The following CSNK2A2IP variants were observed in gnomAD, a reference collection of about 807,000 sequenced individuals.
CSNK2A2IP encodes casein kinase II subunit alpha'-interacting protein.
chr3:88,348,396 G>A, the CSNK2A2IP span, among the ~76,000 whole-genome samples: 1 of 152,000 alleles, frequency 6.6e-6, no homozygotes. Flanking sequence ...CGGTATCAGT[G>A]AACACAGTGT....
At chr3:88,444,938 C>T in the CSNK2A2IP span, among the ~76,000 whole-genome samples, 1 of 152,082 alleles carries the variant, frequency 6.6e-6, no homozygotes. Context: ...ATTCTTGTCA[C>T]TGCTGTTTTA....
chr3:88,368,421 T>C, the CSNK2A2IP span, among the ~76,000 whole-genome samples: 687 of 152,170 alleles, frequency 4.5e-3, 5 homozygotes, highest in African/African-American at 0.016. Context: ...AAAAACACTG[T>C]CTGAAGAGGC....
At chr3:88,457,636 C>T in the CSNK2A2IP span, among the ~76,000 whole-genome samples, 4 of 150,976 alleles carry the variant, frequency 2.6e-5, no homozygotes, top group African/African-American at 7.3e-5. Context: ...GCAGAGGTTG[C>T]AGTGAGCCGA....
At chr3:88,427,886 C>G in the CSNK2A2IP span, among the ~76,000 whole-genome samples, 3 of 152,118 alleles carry the variant, frequency 2.0e-5, no homozygotes, top group African/African-American at 7.2e-5. Flanking sequence ...CACAGAGTAC[C>G]CACTTGGTCA....
the CSNK2A2IP span, among the ~76,000 whole-genome samples, chr3:88,446,094 C>A: frequency 2.7e-5 from 2 of 75,076 alleles, no homozygotes; most frequent in Admixed American, 1.4e-4. Flanking sequence ...TTCTTTCTTT[C>A]TTTCTTTTTT....
the CSNK2A2IP span, among the ~76,000 whole-genome samples, chr3:88,439,636 G>C: frequency 6.6e-6 from 1 of 151,468 alleles, no homozygotes; most frequent in Non-Finnish European, 1.5e-5. Context: ...CAGCTACTCA[G>C]GAGGCTGAGG....
At chr3:88,376,346 C>A in the CSNK2A2IP span, among the ~76,000 whole-genome samples, 10 of 151,642 alleles carry the variant, frequency 6.6e-5, no homozygotes, top group Non-Finnish European at 1.0e-4. Context: ...ATTGTAGGCA[C>A]TCAGCAAATA....
At chr3:88,372,910 AG>A in the CSNK2A2IP span, among the ~76,000 whole-genome samples, 2 of 151,486 alleles carry the variant, frequency 1.3e-5, no homozygotes, top group Non-Finnish European at 3.0e-5. Context: ...TCCTAATAAA[AG>A]TTTTGATACA....
the CSNK2A2IP span, among the ~76,000 whole-genome samples, chr3:88,453,926 A>G: frequency 1.3e-5 from 2 of 152,082 alleles, no homozygotes; most frequent in Non-Finnish European, 2.9e-5. Flanking sequence ...TTATATGAGC[A>G]TATGCTTTCA....
At chr3:88,458,141 G>GTTTTTTTTTGTGTTTTTTTT in the CSNK2A2IP span, among the ~76,000 whole-genome samples, 2 of 83,306 alleles carry the variant, frequency 2.4e-5, no homozygotes, top group African/African-American at 1.1e-4. Flanking sequence ...TGTAATTGTG[G>GTTTTTTTTTGTGTTTTTTTT]TTTTTTTTTT....
the CSNK2A2IP span, among the ~76,000 whole-genome samples, chr3:88,352,278 G>A: frequency 6.6e-6 from 1 of 152,042 alleles, no homozygotes; most frequent in African/African-American, 2.4e-5. Context: ...ATTGGTGAAG[G>A]CAATTTTGGG....
chr3:88,400,379 C>G, the CSNK2A2IP span, among the ~76,000 whole-genome samples: 1 of 152,126 alleles, frequency 6.6e-6, no homozygotes, highest in East Asian at 1.9e-4. Context: ...GTGGGAGGAA[C>G]AGGAGAAAGG....
At chr3:88,360,040 A>C in the CSNK2A2IP span, among the ~76,000 whole-genome samples, 1 of 152,016 alleles carries the variant, frequency 6.6e-6, no homozygotes, top group Non-Finnish European at 1.5e-5. Context: ...TGTGTGCTTC[A>C]GTGTTGGGTG....
chr3:88,361,870 G>A, the CSNK2A2IP span, among the ~76,000 whole-genome samples: 3 of 151,774 alleles, frequency 2.0e-5, no homozygotes, highest in Middle Eastern at 0.01. Context: ...TGCTTGGTGA[G>A]TTCTGTTGTT....
chr3:88,352,805 G>C, the CSNK2A2IP span, among the ~76,000 whole-genome samples: 79 of 152,174 alleles, frequency 5.2e-4, no homozygotes, highest in Non-Finnish European at 7.5e-4. Flanking sequence ...ACCCTCTCAA[G>C]TTTCATAGGC....
At chr3:88,354,269 C>T in the CSNK2A2IP span, among the ~76,000 whole-genome samples, 1 of 152,170 alleles carries the variant, frequency 6.6e-6, no homozygotes, top group African/African-American at 2.4e-5. Flanking sequence ...ATACAATCCA[C>T]TTTCAATAGT....
chr3:88,466,708 C>T, the CSNK2A2IP span: 1 of 1,122,164 alleles, frequency 8.9e-7, no homozygotes, highest in Non-Finnish European at 1.1e-6. Context: ...TCTCTGTAGG[C>T]AGATTTTGTT....
the CSNK2A2IP span, among the ~76,000 whole-genome samples, chr3:88,364,771 T>C: frequency 6.6e-6 from 1 of 152,168 alleles, no homozygotes; most frequent in African/African-American, 2.4e-5. Context: ...GAGAAGTTAG[T>C]TGGCTAAATT....
the CSNK2A2IP span, among the ~76,000 whole-genome samples, chr3:88,355,087 A>G: frequency 1.3e-5 from 2 of 152,134 alleles, no homozygotes; most frequent in African/African-American, 2.4e-5. Context: ...GCAAAGTAAG[A>G]TACTATCTTA....
Sources: allele counts gnomAD v4.1 joint callset (sites outside exome capture counted in the v4.1 genomes callset), GRCh38; gene constraint gnomAD v4.1.1; transcripts MANE v1.5; gene names NCBI Gene and HGNC (gene_info 2026-07-23, HGNC 2026-07-21).